Variants in ROBO2 observed in about 807,000 individuals in gnomAD.
ROBO2 encodes roundabout guidance receptor 2.
In ROBO2, 53 loss-of-function variants were observed where a neutral mutation model predicts 160.8. The observed-to-expected ratio is 0.33, with a 90% CI of 0.26 to 0.41. The LOEUF is 0.41. Ranked by LOEUF, ROBO2 falls within the 10% of genes least tolerant of loss-of-function variation. ROBO2 has a pLI of 1.00. For synonymous variants in ROBO2, 664 were observed against 611.7 expected, an observed-to-expected ratio of 1.09 and a Z score of -1.26; for missense variants, 1,577 against 1,722.4, an observed-to-expected ratio of 0.92 and a Z score of 1.49.
intron 2 of ROBO2, among the ~76,000 whole-genome samples, chr3:76,003,362 G>A (rs933648591): frequency 6.6e-5 from 10 of 152,140 alleles, no homozygotes; most frequent in African/African-American, 2.4e-4. Context: ...GTATCCAAGT[G>A]ATGTCAACAG....
At chr3:77,147,864 C>T (rs1579391915) in intron 2 of ROBO2, among the ~76,000 whole-genome samples, 1 of 152,106 alleles carries the variant, frequency 6.6e-6, no homozygotes, top group Non-Finnish European at 1.5e-5. Context: ...TAGAAACACA[C>T]ACTCCCTCCC....
intron 2 of ROBO2, among the ~76,000 whole-genome samples, chr3:76,582,956 A>G (rs1578312404): frequency 6.6e-6 from 1 of 152,150 alleles, no homozygotes; most frequent in African/African-American, 2.4e-5. Context: ...AGCTCCTAAA[A>G]TGTCAAGAAG....
intron 2 of ROBO2, among the ~76,000 whole-genome samples, chr3:76,132,282 C>G (rs1199683918): frequency 6.6e-6 from 1 of 151,314 alleles, no homozygotes; most frequent in Non-Finnish European, 1.5e-5. Flanking sequence ...TGCTACAGGG[C>G]AGCTCTTTGC....
intron 2 of ROBO2, among the ~76,000 whole-genome samples, chr3:76,895,103 C>T (rs114233882): frequency 0.011 from 1,657 of 152,028 alleles, 30 homozygotes; most frequent in African/African-American, 0.037. Flanking sequence ...CTTTTTCTTT[C>T]TCTGTTTCCT....
intron 24 of ROBO2, among the ~76,000 whole-genome samples, chr3:77,642,017 A>G (rs1186879495): frequency 1.3e-5 from 2 of 152,190 alleles, no homozygotes; most frequent in Non-Finnish European, 2.9e-5. Context: ...AACATTGGTT[A>G]TTACTTATTA....
At chr3:76,347,459 T>C (rs185881113) in intron 2 of ROBO2, among the ~76,000 whole-genome samples, 8 of 152,240 alleles carry the variant, frequency 5.3e-5, no homozygotes, top group Admixed American at 3.3e-4. Context: ...AGAAGGTATA[T>C]ATTTAAGTGT....
At chr3:76,122,403 A>G (rs184835079) in intron 2 of ROBO2, among the ~76,000 whole-genome samples, 65 of 152,232 alleles carry the variant, frequency 4.3e-4, no homozygotes, top group African/African-American at 1.4e-3. Flanking sequence ...TCAGTCTTGA[A>G]TAGGATTTTT....
chr3:76,985,159 T>G, intron 2 of ROBO2, among the ~76,000 whole-genome samples: 1 of 152,316 alleles, frequency 6.6e-6, no homozygotes, highest in Non-Finnish European at 1.5e-5. Flanking sequence ...ATTAGATCAA[T>G]AATTTTAACT....
At chr3:76,892,020 T>G (rs1473063210) in intron 2 of ROBO2, among the ~76,000 whole-genome samples, 2 of 150,036 alleles carry the variant, frequency 1.3e-5, no homozygotes, top group African/African-American at 5.1e-5. Context: ...GACCTGGGAG[T>G]TAAACTTCTC....
At chr3:76,872,129 C>T (rs2072165036) in intron 2 of ROBO2, among the ~76,000 whole-genome samples, 1 of 151,918 alleles carries the variant, frequency 6.6e-6, no homozygotes, top group South Asian at 2.1e-4. Flanking sequence ...AAATTTTAGG[C>T]ACATAACCCC....
chr3:76,971,741 T>C (rs2059582187), intron 2 of ROBO2, among the ~76,000 whole-genome samples: 1 of 152,176 alleles, frequency 6.6e-6, no homozygotes, highest in African/African-American at 2.4e-5. Context: ...ATGCTATTAA[T>C]AGCTTAAAGG....
chr3:77,271,239 G>A (rs917318912), intron 2 of ROBO2, among the ~76,000 whole-genome samples: 3 of 152,092 alleles, frequency 2.0e-5, no homozygotes, highest in Non-Finnish European at 4.4e-5. Context: ...AGAACTTTCA[G>A]TGTAAGCTAC....
chr3:77,303,357 T>G (rs2062816333), intron 2 of ROBO2, among the ~76,000 whole-genome samples: 1 of 152,190 alleles, frequency 6.6e-6, no homozygotes, highest in Non-Finnish European at 1.5e-5. Flanking sequence ...TACGATAAAC[T>G]ATGGAAGACA....
At position 75,969,121 on chromosome 3, in the gene ROBO2, A is replaced by T. The variant is rs187473924; in HGVS notation, c.109+31519A>T. Among the ~76,000 whole-genome samples, 5 of 149,108 alleles carry T rather than the reference A, an allele frequency of 3.4e-5. No individual in the cohort carries two copies. The East Asian group carries it at 9.8e-4, about 29-fold the overall frequency. ...AATGGCAATTTTAATCTTTTTTTTA[A>T]GACTGAATACTATATATATAATATT... On this transcript the variant is annotated intron_variant, in intron 2 of 26. Transcript: ENST00000487694.
intron 2 of ROBO2, among the ~76,000 whole-genome samples, chr3:76,876,094 G>A (rs2072685169): frequency 6.6e-6 from 1 of 151,912 alleles, no homozygotes; most frequent in Non-Finnish European, 1.5e-5. Context: ...CACAACCGTG[G>A]GGGATTAGGC....
intron 2 of ROBO2, among the ~76,000 whole-genome samples, chr3:76,596,588 T>C (rs2086749939): frequency 1.3e-5 from 2 of 152,244 alleles, no homozygotes; most frequent in South Asian, 4.1e-4. Flanking sequence ...AAAACACAGA[T>C]GGCCTTCAAA....
intron 2 of ROBO2, among the ~76,000 whole-genome samples, chr3:76,601,603 C>CTGGA (rs569779173): frequency 6.6e-5 from 10 of 152,284 alleles, no homozygotes; most frequent in African/African-American, 2.4e-4. Flanking sequence ...GCCGGAGTGG[C>CTGGA]TGGAACACAG....
chr3:76,123,159 T>C (rs2108298285), intron 2 of ROBO2, among the ~76,000 whole-genome samples: 1 of 152,222 alleles, frequency 6.6e-6, no homozygotes, highest in African/African-American at 2.4e-5. Context: ...TCTTAATTAA[T>C]TGAAGCAAAT....
intron 2 of ROBO2, among the ~76,000 whole-genome samples, chr3:76,228,341 A>G (rs1438236030): frequency 6.6e-6 from 1 of 152,188 alleles, no homozygotes; most frequent in Non-Finnish European, 1.5e-5. Flanking sequence ...AGACAGTACC[A>G]TGTATTCCTT....
Sources: gnomAD v4.1 joint callset for allele counts (sites outside exome capture counted in the v4.1 genomes callset) on GRCh38, gnomAD v4.1.1 for gene constraint, MANE v1.5 for transcripts, NCBI Gene and HGNC (gene_info 2026-07-23, HGNC 2026-07-21) for gene names.